ATP10B: variants seen among roughly 807,000 people sequenced by gnomAD.
The protein encoded by ATP10B is ATPase phospholipid transporting 10B (putative).
In ATP10B, 122 loss-of-function variants were observed where a neutral mutation model predicts 141.2. The ratio of observed to expected loss-of-function variants is 0.86; its 90% CI spans 0.75 to 1.00. ATP10B has a LOEUF of 1.00. Ranked by LOEUF, ATP10B falls within the 50% of genes least tolerant of loss-of-function variation. The pLI is 0.00. For missense variants in ATP10B, 1,876 were observed against 1,825.3 expected (o/e 1.03, Z -0.51); for synonymous variants, 685 against 692.0 (o/e 0.99, Z 0.16).
intron 7 of ATP10B, among the ~76,000 whole-genome samples, chr5:160,669,423 T>C (rs1364730739): frequency 6.6e-6 from 1 of 152,118 alleles, no homozygotes; most frequent in African/African-American, 2.4e-5. Context: ...AGATGGCTGA[T>C]GAGTGGTGAG....
the ATP10B span, among the ~76,000 whole-genome samples, chr5:160,926,578 C>T: frequency 1.4e-4 from 22 of 152,150 alleles, no homozygotes; most frequent in African/African-American, 4.1e-4. Flanking sequence ...CTGGGGCTGA[C>T]GCCAGAAACG....
intron 2 of ATP10B, among the ~76,000 whole-genome samples, chr5:160,766,942 C>T (rs1769489008): frequency 6.6e-6 from 1 of 152,140 alleles, no homozygotes; most frequent in Non-Finnish European, 1.5e-5. Context: ...TTGACACCTG[C>T]TCCTACTCAG....
the ATP10B span, among the ~76,000 whole-genome samples, chr5:160,868,514 GAACA>G: frequency 1.5e-4 from 15 of 102,068 alleles, no homozygotes; most frequent in African/African-American, 4.6e-4. Context: ...TAAGGCATAT[GAACA>G]GATACACACA....
chr5:160,900,911 T>A, the ATP10B span, among the ~76,000 whole-genome samples: 1 of 41,248 alleles, frequency 2.4e-5, no homozygotes, highest in African/African-American at 6.8e-5. Flanking sequence ...TAGAGAAGTT[T>A]TTTTTTTTTT....
intron 2 of ATP10B, among the ~76,000 whole-genome samples, chr5:160,764,697 C>A (rs1769279394): frequency 6.6e-6 from 1 of 152,110 alleles, no homozygotes; most frequent in Non-Finnish European, 1.5e-5. Flanking sequence ...CAGCGTAGTA[C>A]TGGAAGTCCT....
chr5:160,700,169 G>C (rs573522716), intron 3 of ATP10B, among the ~76,000 whole-genome samples: 1 of 152,166 alleles, frequency 6.6e-6, no homozygotes. Flanking sequence ...TAGAAGTTGT[G>C]GGGGAAGTGG....
intron 2 of ATP10B, among the ~76,000 whole-genome samples, chr5:160,746,973 CTTAG>C (rs1366719455): frequency 6.6e-6 from 1 of 152,172 alleles, no homozygotes; most frequent in Non-Finnish European, 1.5e-5. Flanking sequence ...TGCAGATGGT[CTTAG>C]TTTGTTGTGC....
At chr5:160,868,943 G>T in the ATP10B span, among the ~76,000 whole-genome samples, 1 of 152,050 alleles carries the variant, frequency 6.6e-6, no homozygotes, top group African/African-American at 2.4e-5. Context: ...TATAAGGCTT[G>T]ATTCTGTATT....
intron 7 of ATP10B, among the ~76,000 whole-genome samples, chr5:160,651,108 T>C (rs538389960): frequency 6.6e-6 from 1 of 152,306 alleles, no homozygotes; most frequent in South Asian, 2.1e-4. Flanking sequence ...TTTTCAAGCT[T>C]ACCGTCATTC....
intron 1 of ATP10B, among the ~76,000 whole-genome samples, chr5:160,786,966 T>G (rs528823397): frequency 1.3e-5 from 2 of 152,184 alleles, no homozygotes; most frequent in African/African-American, 2.4e-5. Context: ...TCTGGTGGCC[T>G]GTGACTAATC....
At chr5:160,619,060 G>C (rs770628342) in intron 15 of ATP10B, among the ~76,000 whole-genome samples, 1 of 152,214 alleles carries the variant, frequency 6.6e-6, no homozygotes, top group African/African-American at 2.4e-5. Flanking sequence ...TCATTTTTCA[G>C]GTGTTGCTGG....
Position 160,582,736 on chromosome 5 carries a change from C to G in ATP10B, c.3750+6856G>C, listed in dbSNP as rs560921461. On this transcript the variant is annotated intron_variant, in intron 24 of 25. Coordinates refer to ENST00000327245, the MANE Select transcript of ATP10B (RefSeq NM_025153.3). ...TACACCAATCAAATATAGGTTTGGTCTTTTCACATAGTTCCATATTTCTTG... is the reference window on the plus strand; with the variant it reads ...TACACCAATCAAATATAGGTTTGGTGTTTTCACATAGTTCCATATTTCTTG... Among the ~76,000 whole-genome samples, 10 of 152,308 alleles carry G rather than the reference C, an allele frequency of 6.6e-5. No individual in the cohort carries two copies. The East Asian group carries it at 1.9e-3, about 29-fold the overall frequency.
Position 160,852,099 on chromosome 5 carries a change from C to A in ATP10B, c.-734G>T, listed in dbSNP as rs1450589858. On this transcript the variant is annotated 5_prime_UTR_variant, in exon 1 of 26. Coordinates refer to ENST00000327245, the MANE Select transcript of ATP10B (RefSeq NM_025153.3). ...ATCTGATTATGTCAAGGCAAGGCCT[C>A]AAGCTAACACTCCCTCAGAAACTTA... 1 of 152,154 alleles carries A rather than the reference C, an allele frequency of 6.6e-6. No individual in the cohort carries two copies. Among genetic ancestry groups the A allele is most frequent in the Non-Finnish European group, 1.5e-5 (1 of 68,032 alleles). 9.4% of individuals were successfully genotyped at this position (152,154 alleles called of 1,614,324 possible).
intron 1 of ATP10B, among the ~76,000 whole-genome samples, chr5:160,798,479 A>C (rs1348048621): frequency 1.3e-5 from 2 of 152,180 alleles, no homozygotes; most frequent in Non-Finnish European, 2.9e-5. Flanking sequence ...CCATGAAGAC[A>C]GAGGTAGAGG....
the ATP10B span, among the ~76,000 whole-genome samples, chr5:160,899,946 A>G: frequency 6.6e-6 from 1 of 152,174 alleles, no homozygotes; most frequent in Non-Finnish European, 1.5e-5. Context: ...GGTGGAGCAG[A>G]GGCAAGGAAT....
chr5:160,607,109 A>G (rs1176930965), intron 18 of ATP10B, 23 bp from the exon 19 acceptor site: 1 of 1,575,894 alleles, frequency 6.3e-7, no homozygotes. Context: ...ATAATAATAC[A>G]GTATTTGTAA....
Position 160,636,110 on chromosome 5 carries a change from C to T in ATP10B, c.1128+72G>A. 6.0e-6 allele frequency: 9 copies of T among 1,490,048 alleles called. No individual in the cohort carries two copies. In the Admixed American group the frequency reaches 1.1e-4, roughly 19 times the overall value. 92.3% of individuals were successfully genotyped at this position (1,490,048 alleles called of 1,614,324 possible). On this transcript the variant is annotated intron_variant, in intron 11 of 25. Coordinates refer to ENST00000327245, the MANE Select transcript of ATP10B (RefSeq NM_025153.3). ...TTTCTAGTGGCCAGCACTGTTTTTT[C>T]TTTATTTTACAAAGTTGTAGGAGTT...
chr5:160,773,985 G>A (rs1244607643), intron 2 of ATP10B, among the ~76,000 whole-genome samples: 2 of 152,104 alleles, frequency 1.3e-5, no homozygotes, highest in African/African-American at 4.8e-5. Flanking sequence ...GAGCTTTTGC[G>A]GAGTCATCAC....
At chr5:160,708,753 G>A (rs1765170597) in intron 3 of ATP10B, among the ~76,000 whole-genome samples, 1 of 152,126 alleles carries the variant, frequency 6.6e-6, no homozygotes, top group Non-Finnish European at 1.5e-5. Context: ...TGTTCCTATG[G>A]CACTGAGACT....
Sources: allele counts gnomAD v4.1 joint callset (sites outside exome capture counted in the v4.1 genomes callset), GRCh38; gene constraint gnomAD v4.1.1; transcripts MANE v1.5; gene names NCBI Gene and HGNC (gene_info 2026-07-23, HGNC 2026-07-21).